Variants in INTS15 observed in about 807,000 individuals in gnomAD.
The protein encoded by INTS15 is integrator complex subunit 15.
the INTS15 span, among the ~76,000 whole-genome samples, chr7:6,592,137 C>G: frequency 2.1e-4 from 32 of 152,036 alleles, no homozygotes; most frequent in Admixed American, 1.4e-3. Context: ...TGCCATTGCA[C>G]TCCAGCCTGG....
At chr7:6,607,183 C>T in the INTS15 span, among the ~76,000 whole-genome samples, 2 of 152,070 alleles carry the variant, frequency 1.3e-5, no homozygotes, top group Non-Finnish European at 1.5e-5. This position sits in a 1 kb window ranked among gnomAD's most constrained non-coding sequence, Gnocchi z 6.0. Context: ...GAAACTCTTT[C>T]AGGAGTCTGG....
chr7:6,600,057 A>G, the INTS15 span: 1 of 1,614,230 alleles, frequency 6.2e-7, no homozygotes, highest in Non-Finnish European at 8.5e-7. Context: ...GTCAGCAACA[A>G]GGTCACAAAG....
At chr7:6,606,174 CT>C in the INTS15 span, among the ~76,000 whole-genome samples, 1 of 152,148 alleles carries the variant, frequency 6.6e-6, no homozygotes, top group Non-Finnish European at 1.5e-5. Flanking sequence ...TAATCTCTTG[CT>C]AAGTTACTTA....
the INTS15 span, among the ~76,000 whole-genome samples, chr7:6,598,595 A>G: frequency 6.6e-6 from 1 of 151,952 alleles, no homozygotes; most frequent in Non-Finnish European, 1.5e-5. Context: ...GATGGTGGGC[A>G]CAGCCCCAGA....
At chr7:6,597,732 G>C in the INTS15 span, among the ~76,000 whole-genome samples, 6 of 152,204 alleles carry the variant, frequency 3.9e-5, no homozygotes, top group South Asian at 6.2e-4. Context: ...ATCTGAAACT[G>C]TTTTTCTCTT....
the INTS15 span, among the ~76,000 whole-genome samples, chr7:6,604,672 G>C: frequency 6.6e-6 from 1 of 152,186 alleles, no homozygotes; most frequent in Non-Finnish European, 1.5e-5. Flanking sequence ...GCTGGGCAGC[G>C]CTCGCAGGCT....
At chr7:6,595,809 G>A in the INTS15 span, among the ~76,000 whole-genome samples, 3 of 152,146 alleles carry the variant, frequency 2.0e-5, no homozygotes, top group African/African-American at 7.2e-5. Context: ...CAGCCTTCCA[G>A]GTTGCTGGGA....
the INTS15 span, chr7:6,594,325 G>T: frequency 1.9e-5 from 21 of 1,090,410 alleles, no homozygotes; most frequent in Middle Eastern, 2.8e-4. Flanking sequence ...TCTTTTTTTT[G>T]TCTTGGAAGT....
chr7:6,599,761 C>T, the INTS15 span: 9 of 1,508,694 alleles, frequency 6.0e-6, no homozygotes, highest in South Asian at 1.2e-5. Context: ...TCAGGCTTCC[C>T]TCTCTCCACT....
the INTS15 span, chr7:6,590,059 C>A: frequency 1.8e-4 from 50 of 274,162 alleles, no homozygotes; most frequent in African/African-American, 1.1e-3. Flanking sequence ...CAGCTCCCGG[C>A]GGCTCCTGGC....
chr7:6,605,696 A>ATTTCT, the INTS15 span, among the ~76,000 whole-genome samples: 2 of 151,532 alleles, frequency 1.3e-5, no homozygotes, highest in East Asian at 2.0e-4. Flanking sequence ...TACCTCCTAC[A>ATTTCT]TTTCTTTTCT....
the INTS15 span, chr7:6,591,497 C>G: frequency 1.8e-4 from 111 of 622,634 alleles, 1 homozygote; most frequent in East Asian, 3.2e-3. Flanking sequence ...AACTCTTGAC[C>G]TCGTGATTCG....
the INTS15 span, among the ~76,000 whole-genome samples, chr7:6,603,666 C>G: frequency 2.6e-5 from 4 of 151,904 alleles, no homozygotes; most frequent in African/African-American, 4.8e-5. Context: ...TGGTGAAACC[C>G]CATCTCTACT....
chr7:6,608,496 G>A, the INTS15 span: 10 of 1,204,162 alleles, frequency 8.3e-6, no homozygotes, highest in African/African-American at 9.7e-5. Flanking sequence ...GTGCAAGCCC[G>A]TGTGTCTGGC....
the INTS15 span, among the ~76,000 whole-genome samples, chr7:6,596,795 T>C: frequency 6.6e-6 from 1 of 152,012 alleles, no homozygotes. Flanking sequence ...TTGTTGTTTG[T>C]TTTTGGAGAC....
chr7:6,603,332 G>T, the INTS15 span, among the ~76,000 whole-genome samples: 1 of 152,126 alleles, frequency 6.6e-6, no homozygotes, highest in Non-Finnish European at 1.5e-5. Flanking sequence ...TGGATCACTT[G>T]TGGTCAGGAG....
the INTS15 span, chr7:6,600,459 C>T: frequency 8.2e-7 from 1 of 1,213,324 alleles, no homozygotes. Flanking sequence ...TCATTTAGGA[C>T]TTCTTTTCCT....
chr7:6,598,735 T>TTGTGTGTGTGTGTGTGTG, the INTS15 span, among the ~76,000 whole-genome samples: 317 of 83,584 alleles, frequency 3.8e-3, 13 homozygotes, highest in Admixed American at 0.01. Context: ...GCTGTATGCT[T>TTGTGTGTGTGTGTGTGTG]TGTGTGTGTG....
At chr7:6,607,254 C>T in the INTS15 span, among the ~76,000 whole-genome samples, 2 of 152,016 alleles carry the variant, frequency 1.3e-5, no homozygotes, top group Non-Finnish European at 2.9e-5. This position sits in a 1 kb window ranked among gnomAD's most constrained non-coding sequence, Gnocchi z 6.0. Flanking sequence ...CCAGGAAGTG[C>T]GGGCCGTGGT....
Sources: gnomAD v4.1 joint callset for allele counts (sites outside exome capture counted in the v4.1 genomes callset) on GRCh38, gnomAD v4.1.1 for gene constraint, Gnocchi (gnomAD v3.1) non-coding constraint, MANE v1.5 for transcripts, NCBI Gene and HGNC (gene_info 2026-07-23, HGNC 2026-07-21) for gene names.